Variants in ATAD3B observed in about 807,000 individuals in gnomAD.
ATAD3B encodes ATPase family AAA domain containing 3B, also known as ATPase family AAA domain-containing protein 3B.
In ATAD3B, 59 loss-of-function variants were observed where a neutral mutation model predicts 70.2. That is an observed-to-expected ratio of 0.84 (90% confidence interval 0.68 to 1.04). ATAD3B has a LOEUF of 1.04. Among genes scored for constraint, ATAD3B ranks in the 50% least tolerant of loss-of-function variants. The probability of loss-of-function intolerance (pLI) is 0.00; values close to 1 mark genes in which losing one functional copy is unlikely to be tolerated. For synonymous variants in ATAD3B, 423 were observed against 388.6 expected (o/e 1.09, Z -1.04); for missense variants, 961 against 913.4 (o/e 1.05, Z -0.67).
At chr1:1,474,703 T>C (rs1639507550) in intron 1 of ATAD3B, among the ~76,000 whole-genome samples, 1 of 151,936 alleles carries the variant, frequency 6.6e-6, no homozygotes, top group Non-Finnish European at 1.5e-5. Context: ...GGTTTCACCA[T>C]GTTGTTTAGG....
At chr1:1,498,968 C>CT (rs377252484), downstream of ATAD3B, among the ~76,000 whole-genome samples, 800 of 140,726 alleles carry the variant, frequency 5.7e-3, 3 homozygotes, top group African/African-American at 0.013. Context: ...TGTGGTTCCT[C>CT]TTTTTTTTTT....
At chr1:1,498,365 TTAGC>T (rs1256645521), downstream of ATAD3B, among the ~76,000 whole-genome samples, 9 of 151,848 alleles carry the variant, frequency 5.9e-5, no homozygotes, top group Non-Finnish European at 8.8e-5. Context: ...GCTTGTTGGC[TTAGC>T]TAGGAGGATC....
chr1:1,505,341 ACT>A, the ATAD3B span, among the ~76,000 whole-genome samples: 1 of 152,040 alleles, frequency 6.6e-6, no homozygotes, highest in Non-Finnish European at 1.5e-5. Flanking sequence ...TAATTTTGCT[ACT>A]GTTATCTAAA....
At position 1,497,168 on chromosome 1, in the gene ATAD3B, GCTCTCTCCATTTCTCTCTCTACCTCTGCT is replaced by G. The variant is rs1640822213; in HGVS notation, c.*1353_*1381del. 186 of 151,482 alleles carry G rather than the reference GCTCTCTCCATTTCTCTCTCTACCTCTGCT, an allele frequency of 1.2e-3. 2 individuals carry two copies. The highest frequency in any genetic ancestry group is 4.2e-3 in the African/African-American group (171 of 40,742). The allele number at this position is 151,482 out of a possible 1,614,324, so 9.4% of individuals were successfully genotyped here. On this transcript the variant is annotated 3_prime_UTR_variant, in exon 16 of 16. Coordinates refer to ENST00000673477, the MANE Select transcript of ATAD3B (RefSeq NM_031921.6). ...GGAGGGGGGCGGTCTACCTCTGCTC[GCTCTCTCCATTTCTCTCTCTACCTCTGCT>G]CGCTCTCTCCATTTCTCTCTTTTTC...
At chr1:1,486,082 TC>T in intron 9 of ATAD3B, 27 bp from the exon 10 acceptor site, 1 of 1,612,196 alleles carries the variant, frequency 6.2e-7, no homozygotes, top group Non-Finnish European at 8.5e-7. Context: ...GCAGAGTGTC[TC>T]CCCCAAACCC....
rs144005379 is a variant in ATAD3B at position 1,474,873 on chromosome 1, C to T, written c.206-2401C>T. Among the ~76,000 whole-genome samples the T allele has an allele frequency of 3.4e-3, 518 of 151,272 alleles. 21 individuals carry two copies. The East Asian group carries it at 0.084, about 25-fold the overall frequency. ...GACTTCAGGGCACCTCGGAGGACAG[C>T]GGATGTTGGTGACTGACTTTCTTGC... On this transcript the variant is annotated intron_variant, in intron 1 of 15. Coordinates refer to ENST00000673477, the MANE Select transcript of ATAD3B (RefSeq NM_031921.6).
intron 15 of ATAD3B, among the ~76,000 whole-genome samples, chr1:1,493,610 A>G (rs1320955804): frequency 6.6e-6 from 1 of 151,498 alleles, no homozygotes; most frequent in Non-Finnish European, 1.5e-5. Context: ...AGCCACTGCA[A>G]CCGACCAGTT....
At chr1:1,472,686 G>C (rs986601933) in intron 1 of ATAD3B, among the ~76,000 whole-genome samples, 3 of 152,050 alleles carry the variant, frequency 2.0e-5, no homozygotes, top group African/African-American at 7.2e-5. Context: ...CTAAGCTCGG[G>C]TCTCTTCCCC....
chr1:1,497,048 AG>A lies in ATAD3B; in HGVS notation c.*1234del, dbSNP rs1640817933. On this transcript the variant is annotated 3_prime_UTR_variant, in exon 16 of 16. Coordinates refer to ENST00000673477, the MANE Select transcript of ATAD3B (RefSeq NM_031921.6). ...CTTTCTGAACTTTGTGTCCTTAGGA[AG>A]GGTGTAGGCTGTTGGTTGAAGTAGG... The A allele has an allele frequency of 6.7e-6, 1 of 150,052 alleles. No individual in the cohort carries two copies. Among genetic ancestry groups the A allele is most frequent in the Non-Finnish European group, 1.5e-5 (1 of 67,688 alleles). 9.3% of individuals were successfully genotyped at this position (150,052 alleles called of 1,614,324 possible).
rs189254798 is a variant in ATAD3B at position 1,479,525 on chromosome 1, C to T, written c.444+417C>T. On this transcript the variant is annotated intron_variant, in intron 4 of 15. Coordinates refer to ENST00000673477, the MANE Select transcript of ATAD3B (RefSeq NM_031921.6). ...GGGCATGGACAGACACCCGCAAACA[C>T]ACCCCCACACAACACGGGCACGCAC... Among the ~76,000 whole-genome samples, 136 of 144,412 alleles carry T rather than the reference C, an allele frequency of 9.4e-4. 11 individuals carry two copies. In the East Asian group the frequency reaches 0.028, roughly 29 times the overall value. The allele number at this position is 144,412 out of a possible 152,430, so 94.7% of individuals were successfully genotyped here.
intron 4 of ATAD3B, among the ~76,000 whole-genome samples, chr1:1,479,648 C>T (rs1361229849): frequency 2.1e-5 from 3 of 143,018 alleles, no homozygotes; most frequent in South Asian, 2.3e-4. Context: ...CGCACACACA[C>T]AGGTATGCAG....
At chr1:1,476,618 C>T (rs1456331546) in intron 1 of ATAD3B, among the ~76,000 whole-genome samples, 1 of 151,644 alleles carries the variant, frequency 6.6e-6, no homozygotes, top group Non-Finnish European at 1.5e-5. Flanking sequence ...ACGCCATTCT[C>T]CTGCCTCAGC....
chr1:1,486,783 G>A lies in ATAD3B; in HGVS notation c.1214+115G>A. 7 of 1,484,860 alleles carry A rather than the reference G, an allele frequency of 4.7e-6. No homozygotes were observed. In the South Asian group the frequency reaches 6.8e-5, roughly 14 times the overall value. The allele number at this position is 1,484,860 out of a possible 1,614,324, so 92.0% of individuals were successfully genotyped here. ...CCTGTCTTTCTGCAGCTCTGTCCTT[G>A]TGGCCACGCAGGAGGCCCAATGGAG... On this transcript the variant is annotated intron_variant, in intron 11 of 15. Transcript: ENST00000673477.
chr1:1,471,801 G>T lies in ATAD3B; in HGVS notation c.-84G>T, dbSNP rs924682789. The T allele has an allele frequency of 9.8e-6, 12 of 1,223,370 alleles. No individual in the cohort carries two copies. The African/African-American group carries it at 1.4e-4, about 15-fold the overall frequency. The allele number at this position is 1,223,370 out of a possible 1,614,324, so 75.8% of individuals were successfully genotyped here. ...GCAGTGGTCCTGGCCACCGGCTCGC[G>T]GCGCGTGGAGGCTGCTCCCAGCCGC... On this transcript the variant is annotated 5_prime_UTR_variant, in exon 1 of 16. Coordinates refer to ENST00000673477, the MANE Select transcript of ATAD3B (RefSeq NM_031921.6).
At chr1:1,505,585 A>G in the ATAD3B span, among the ~76,000 whole-genome samples, 1 of 152,106 alleles carries the variant, frequency 6.6e-6, no homozygotes. Flanking sequence ...CTACCGCTAG[A>G]CCACGGTCTG....
At chr1:1,507,972 G>A in the ATAD3B span, among the ~76,000 whole-genome samples, 11 of 152,200 alleles carry the variant, frequency 7.2e-5, no homozygotes, top group Admixed American at 5.9e-4. Context: ...AGGAGGCCAC[G>A]TGACATTTAG....
chr1:1,490,611 C>G lies in ATAD3B; in HGVS notation c.1554C>G (p.Val518=), dbSNP rs767039044. The G allele has an allele frequency of 6.2e-6, 10 of 1,608,534 alleles. No homozygotes were observed. Among genetic ancestry groups the G allele is most frequent in the East Asian group, 2.2e-5 (1 of 44,694 alleles). ...QFDYGRKCSE[V]ARLTEGMSGR... ...ACTACGGGAGGAAGTGCTCGGAGGT[C>G]GCTCGGCTGACGGAGGGCATGTCGG... Residue 518 remains valine (V), a synonymous_variant, in exon 15 of 16, where the codon GTC becomes GTG. Transcript: ENST00000673477.
In ATAD3B at chr1:1,475,215, C is replaced by T. The variant is rs1265415198; in HGVS notation, c.206-2059C>T. 2.7e-4 allele frequency among the ~76,000 whole-genome samples: 40 copies of T among 149,372 alleles called. No individual in the cohort carries two copies. The East Asian group carries it at 2.7e-3, about 10-fold the overall frequency. ...CCCGGGGCAGGGTCTCCAGGTGCAC[C>T]GTGGGGAGCCCTCCATCAGGCTTTT... On this transcript the variant is annotated intron_variant, in intron 1 of 15. Coordinates refer to ENST00000673477, the MANE Select transcript of ATAD3B (RefSeq NM_031921.6).
At chr1:1,477,141 TG>T in intron 1 of ATAD3B, 132 bp from the exon 2 acceptor site, 1 of 1,223,496 alleles carries the variant, frequency 8.2e-7, no homozygotes, top group Non-Finnish European at 1.2e-6. Context: ...TCAGAGTTGC[TG>T]GGATTACAGG....
Sources: allele counts gnomAD v4.1 joint callset (sites outside exome capture counted in the v4.1 genomes callset), GRCh38; gene constraint gnomAD v4.1.1; transcripts MANE v1.5; gene names NCBI Gene and HGNC (gene_info 2026-07-23, HGNC 2026-07-21).